MND1: variants seen among roughly 807,000 people sequenced by gnomAD.
MND1 encodes the protein meiotic nuclear division protein 1 homolog.
Under a neutral mutation model 35.1 loss-of-function variants are expected in MND1, and 28 were observed. The ratio of observed to expected loss-of-function variants is 0.80; its 90% confidence interval spans 0.59 to 1.09. The LOEUF is 1.09. MND1 is among the 50% of genes least tolerant of loss of function. The probability of loss-of-function intolerance (pLI) is 0.00; values close to 1 mark genes in which losing one functional copy is unlikely to be tolerated. For synonymous variants in MND1, 69 were observed against 70.5 expected (o/e 0.98, Z 0.11); for missense variants, 213 against 239.6 (o/e 0.89, Z 0.73).
intron 4 of MND1, among the ~76,000 whole-genome samples, chr4:153,380,046 G>C (rs899550609): frequency 7.5e-6 from 1 of 133,236 alleles, no homozygotes; most frequent in East Asian, 2.2e-4. Flanking sequence ...ATTATTCACT[G>C]TAGATGAAAA....
At position 153,375,879 on chromosome 4, in the gene MND1, A is replaced by G. The variant is rs1319885151; in HGVS notation, c.276+17257A>G. Among the ~76,000 whole-genome samples, 3 of 152,246 alleles carry G rather than the reference A, an allele frequency of 2.0e-5. No individual in the cohort carries two copies. In the East Asian group the frequency reaches 5.8e-4, roughly 29 times the overall value. On this transcript the variant is annotated intron_variant, in intron 4 of 7. Transcript: ENST00000240488. ...AATAAATCTTTGTATTGGCTTGGAA[A>G]AATAATTGTTAAACTAACATCTCTA...
intron 4 of MND1, among the ~76,000 whole-genome samples, chr4:153,392,196 G>A (rs1252504260): frequency 6.6e-6 from 1 of 151,602 alleles, no homozygotes; most frequent in Non-Finnish European, 1.5e-5. Context: ...CCACCTCCCG[G>A]GTTCATGCCA....
Position 153,350,059 on chromosome 4 carries a change from T to G in MND1, c.4-5T>G, listed in dbSNP as rs186952886. Reference sequence around the variant, plus strand: ...ATTGTTTACTTGTTAATTTTTTTGCTTTAGTCAAAGAAAAAAGGACTGAGT... The same window carrying G: ...ATTGTTTACTTGTTAATTTTTTTGCGTTAGTCAAAGAAAAAAGGACTGAGT... On this transcript the variant is annotated splice_region_variant and splice_polypyrimidine_tract_variant and intron_variant, in intron 1 of 7. Transcript: ENST00000240488. The G allele has an allele frequency of 7.2e-4, 1,134 of 1,585,806 alleles. 9 individuals carry two copies. In the African/African-American group the frequency reaches 0.013, roughly 18 times the overall value.
intron 6 of MND1, among the ~76,000 whole-genome samples, chr4:153,399,701 A>C (rs1729292199): frequency 6.6e-6 from 1 of 152,138 alleles, no homozygotes; most frequent in African/African-American, 2.4e-5. Context: ...ACAGTTGAGG[A>C]GGCGGCAACT....
Position 153,344,856 on chromosome 4 carries a change from G to A in MND1, c.3+116G>A, listed in dbSNP as rs1773032664. The stretch of plus-strand genomic sequence containing the variant: ...TTGACCGCCATTCCGGGCCGCGGGA[G>A]CGGTCGCCCGGCTCTCGGCCTCACC... On this transcript the variant is annotated intron_variant, in intron 1 of 7. Transcript: ENST00000240488. 4 of 1,494,210 alleles carry A rather than the reference G, an allele frequency of 2.7e-6. No homozygotes were observed. The African/African-American group carries it at 4.3e-5, about 16-fold the overall frequency. 92.6% of individuals were successfully genotyped at this position (1,494,210 alleles called of 1,614,324 possible).
Position 153,358,584 on chromosome 4 carries a change from C to T in MND1, c.238C>T (p.His80Tyr), listed in dbSNP as rs202190211. ...TTGGGCTTTTCCAAGTAAAGCTCTT[C>T]ATGCAAGGAAACATAAGTTGGAGGT... The part of the protein sequence containing the change: ...YYWAFPSKAL[H>Y]ARKHKLEVLE... The change falls in exon 4 of 8, where the codon CAT becomes TAT. Residue 80 changes from histidine to tyrosine, a missense_variant. Coordinates refer to ENST00000240488, the MANE Select transcript of MND1 (RefSeq NM_032117.4). 5.9e-5 allele frequency: 95 copies of T among 1,613,426 alleles called. No homozygotes were observed. Among genetic ancestry groups the T allele is most frequent in the Non-Finnish European group, 7.6e-5 (90 of 1,179,740 alleles).
At position 153,372,290 on chromosome 4, in the gene MND1, C is replaced by G. The variant is rs572042710; in HGVS notation, c.276+13668C>G. On this transcript the variant is annotated intron_variant, in intron 4 of 7. Transcript: ENST00000240488. ...ACTTAATTTGTAGAAAACACGCTATCTGAAGTGCAGTAAAGCAAAGCACAA... is the reference window on the plus strand; with the variant it reads ...ACTTAATTTGTAGAAAACACGCTATGTGAAGTGCAGTAAAGCAAAGCACAA... Among the ~76,000 whole-genome samples the G allele has an allele frequency of 7.2e-5, 11 of 152,144 alleles. No individual in the cohort carries two copies. The South Asian group carries it at 2.3e-3, about 32-fold the overall frequency.
rs766257104 is a variant in MND1 at position 153,397,225 on chromosome 4, C to T, written c.358C>T (p.Arg120Ter). The T allele has an allele frequency of 1.4e-5, 23 of 1,609,228 alleles. No homozygotes were observed. The highest frequency in any genetic ancestry group is 1.2e-4 in the South Asian group (11 of 90,200). The change falls in exon 6 of 8, where the codon CGA becomes TGA. Residue 120 changes from arginine to a stop codon, truncating the protein, a stop_gained. Transcript: ENST00000240488. LOFTEE classifies it high-confidence loss of function. ...AAAACTATCTGGAATGCAGGAAGAG[C>T]GAACCAGGCTAGCAAAAGAGCTTTC... Reference protein sequence around the residue: ...AKIGRCETEERTRLAKELSSL... With the variant: ...AKIGRCETEE
chr4:153,395,514 A>C (rs1729173181), intron 5 of MND1, among the ~76,000 whole-genome samples: 1 of 152,240 alleles, frequency 6.6e-6, no homozygotes, highest in Non-Finnish European at 1.5e-5. Context: ...CTTACCAGCC[A>C]GGACTTTTCA....
At chr4:153,363,915 C>T (rs1773560209) in intron 4 of MND1, among the ~76,000 whole-genome samples, 2 of 152,118 alleles carry the variant, frequency 1.3e-5, no homozygotes, top group Non-Finnish European at 2.9e-5. Flanking sequence ...GGTATCTGCA[C>T]ACTCACTAGG....
chr4:153,356,552 C>CAAAAAA (rs34763120), intron 3 of MND1, among the ~76,000 whole-genome samples: 13 of 60,028 alleles, frequency 2.2e-4, no homozygotes, highest in Admixed American at 5.5e-4. Context: ...AACTCAGTCT[C>CAAAAAA]AAAAAAAAAA....
chr4:153,408,938 A>G, intron 6 of MND1, 33 bp from the exon 7 acceptor site: 1 of 817,302 alleles, frequency 1.2e-6, no homozygotes, highest in Non-Finnish European at 1.7e-6. Context: ...ATATATAAAT[A>G]CATTTCATTT....
intron 4 of MND1, among the ~76,000 whole-genome samples, chr4:153,384,559 T>C (rs901118127): frequency 6.8e-6 from 1 of 148,026 alleles, no homozygotes; most frequent in Non-Finnish European, 1.5e-5. Flanking sequence ...TCCCAAAGTG[T>C]TGGGATTACA....
intron 4 of MND1, among the ~76,000 whole-genome samples, chr4:153,386,229 G>A (rs371732774): frequency 6.6e-6 from 1 of 150,602 alleles, no homozygotes; most frequent in Admixed American, 6.6e-5. Flanking sequence ...TGGTGTTCAC[G>A]CCTGTTATCC....
rs140253330 is a variant in MND1 at position 153,371,175 on chromosome 4, A to G, written c.276+12553A>G. On this transcript the variant is annotated intron_variant, in intron 4 of 7. Transcript: ENST00000240488. ...CCATGCTGTAAATCGATATGCTGTC[A>G]TCTGAGCTTTGTTATTCCACTTATA... Among the ~76,000 whole-genome samples, 44 of 152,200 alleles carry G rather than the reference A, an allele frequency of 2.9e-4. 1 individual carries two copies. Among genetic ancestry groups the G allele is most frequent in the Non-Finnish European group, 4.4e-4 (30 of 68,026 alleles).
At chr4:153,360,667 T>TATAA (rs58220178) in intron 4 of MND1, among the ~76,000 whole-genome samples, 60,740 of 109,552 alleles carry the variant, frequency 0.55, 14,345 homozygotes, top group East Asian at 0.7. Flanking sequence ...AATATTTTTA[T>TATAA]ATAAATAAAT....
At chr4:153,372,041 A>G (rs1690204444) in intron 4 of MND1, among the ~76,000 whole-genome samples, 1 of 152,104 alleles carries the variant, frequency 6.6e-6, no homozygotes, top group African/African-American at 2.4e-5. Context: ...GAGTCACTGG[A>G]GCAGTCAGAA....
At chr4:153,370,294 A>C (rs546811960) in intron 4 of MND1, among the ~76,000 whole-genome samples, 1 of 151,798 alleles carries the variant, frequency 6.6e-6, no homozygotes, top group Non-Finnish European at 1.5e-5. Flanking sequence ...AAAAAGAAGC[A>C]ATTTCTCATC....
intron 2 of MND1, 53 bp from the exon 3 acceptor site, chr4:153,355,601 C>A: frequency 8.6e-7 from 1 of 1,157,818 alleles, no homozygotes; most frequent in Non-Finnish European, 1.3e-6. Flanking sequence ...TGAAAATATA[C>A]ATAGTAGAAA....
Sources: allele counts gnomAD v4.1 joint callset (sites outside exome capture counted in the v4.1 genomes callset), GRCh38; gene constraint gnomAD v4.1.1; transcripts MANE v1.5; gene names NCBI Gene and HGNC (gene_info 2026-07-23, HGNC 2026-07-21).